SETX: variants seen among roughly 807,000 people sequenced by gnomAD.
SETX encodes senataxin, also known as helicase senataxin.
SETX carries 90 observed loss-of-function variants against 227.2 expected under a neutral mutation model. The ratio of observed to expected loss-of-function variants is 0.40; its 90% confidence interval spans 0.33 to 0.47. The LOEUF is 0.47. Among genes scored for constraint, SETX ranks in the 20% least tolerant of loss-of-function variants. SETX has a pLI of 0.91. For missense variants in SETX, 3,052 were observed against 3,181.5 expected, an observed-to-expected ratio of 0.96 and a Z score of 0.98; for synonymous variants, 1,210 against 1,113.2, an observed-to-expected ratio of 1.09 and a Z score of -1.73.
intron 20 of SETX, among the ~76,000 whole-genome samples, chr9:132,279,924 C>T (rs995213689): frequency 6.6e-6 from 1 of 152,100 alleles, no homozygotes; most frequent in Admixed American, 6.5e-5. Flanking sequence ...ACCAAACCCA[C>T]GTACATATAC....
At chr9:132,296,778 C>T (rs981028256) in intron 14 of SETX, 109 bp downstream of exon 14, 9 of 1,025,780 alleles carry the variant, frequency 8.8e-6, no homozygotes, top group Admixed American at 5.7e-5. Context: ...AAAATATATA[C>T]AAATCAAAGA....
rs1053365914 is a variant in SETX, at chr9:132,264,050, T to C, written c.*189A>G. 1 of 726,348 alleles carries C rather than the reference T, an allele frequency of 1.4e-6. No individual in the cohort carries two copies. Among genetic ancestry groups the C allele is most frequent in the Non-Finnish European group, 2.3e-6 (1 of 442,794 alleles). The allele number at this position is 726,348 out of a possible 1,614,324, so 45.0% of individuals were successfully genotyped here. On this transcript the variant is annotated 3_prime_UTR_variant, in exon 26 of 26. Coordinates refer to ENST00000224140, the MANE Select transcript of SETX (RefSeq NM_015046.7). Reference sequence around the variant, plus strand: ...ATTATTACGGATACACAATGCCCTCTGAAAGCTTTTGCAAATGACAGAAAA... The same window carrying C: ...ATTATTACGGATACACAATGCCCTCCGAAAGCTTTTGCAAATGACAGAAAA...
Position 132,327,146 on chromosome 9 carries a change from C to A in SETX, c.4452G>T (p.Glu1484Asp). 6.2e-7 allele frequency: 1 copy of A among 1,614,130 alleles called. No individual in the cohort carries two copies. Among genetic ancestry groups the A allele is most frequent in the Non-Finnish European group, 8.5e-7 (1 of 1,180,026 alleles). The change falls in exon 10 of 26, where the codon GAG (glutamate) becomes GAT (aspartate). Residue 1484 changes from glutamate (E) to aspartate (D), a missense_variant. By Grantham distance (45) the Glu-to-Asp change is conservative. Transcript: ENST00000224140. ...HIEMAALKEG[E>D]PDSSSDAEED... ...CCTCTGCATCACTGCTGGAGTCAGG[C>A]TCTCCTTCTTTCAAAGCTGCCATCT...
At chr9:132,273,557 T>G (rs570739906) in intron 23 of SETX, among the ~76,000 whole-genome samples, 21 of 152,402 alleles carry the variant, frequency 1.4e-4, no homozygotes, top group African/African-American at 4.8e-4. Context: ...CGAAGTGTTT[T>G]ATTCTTTTTG....
chr9:132,261,952 A>G lies in SETX; in HGVS notation c.*2287T>C, dbSNP rs1842428001. ...GTTCAACAACGCTGCGCTGACAGCCACATCAGGAGGGGCCACGGTGAACAT... is the reference window on the plus strand; with the variant it reads ...GTTCAACAACGCTGCGCTGACAGCCGCATCAGGAGGGGCCACGGTGAACAT... On this transcript the variant is annotated 3_prime_UTR_variant, in exon 26 of 26. Transcript: ENST00000224140. 1 of 154,470 alleles carries G rather than the reference A, an allele frequency of 6.5e-6. No individual in the cohort carries two copies. The highest frequency in any genetic ancestry group is 1.5e-5 in the Non-Finnish European group (1 of 68,232). 9.6% of individuals were successfully genotyped at this position (154,470 alleles called of 1,614,324 possible).
intron 25 of SETX, among the ~76,000 whole-genome samples, chr9:132,269,055 G>A (rs555439664): frequency 2.0e-5 from 3 of 152,342 alleles, no homozygotes; most frequent in Admixed American, 1.3e-4. Context: ...CAGCAAATAC[G>A]TGCTACATCT....
intron 23 of SETX, chr9:132,275,031 C>A: frequency 1.8e-6 from 1 of 545,126 alleles, no homozygotes; most frequent in Non-Finnish European, 3.3e-6. Context: ...TTAGTCAATT[C>A]CACTGCCAAG....
In SETX at chr9:132,327,575, TTTC is replaced by T. The variant is rs769558791; in HGVS notation, c.4020_4022del (p.Lys1341del). ...TCTGAAGTTCTTGACTAGTCAGAAGTTTCTTATTATTTCTGACAGACAGGTTCT... is the reference window on the plus strand; with the variant it reads ...TCTGAAGTTCTTGACTAGTCAGAAGTTTATTATTTCTGACAGACAGGTTCT... On this transcript the variant is annotated inframe_deletion, in exon 10 of 26. Transcript: ENST00000224140. 47 of 1,614,134 alleles carry T rather than the reference TTTC, an allele frequency of 2.9e-5. No individual in the cohort carries two copies. The South Asian group carries it at 3.3e-4, about 11-fold the overall frequency.
intron 5 of SETX, 131 bp downstream of exon 5, chr9:132,342,559 G>T (rs1215064074): frequency 1.3e-6 from 1 of 795,622 alleles, no homozygotes; most frequent in African/African-American, 1.7e-5. Context: ...CTACTTAACT[G>T]TAGTAAATTT....
At chr9:132,318,223 TG>T (rs1846109790) in intron 10 of SETX, among the ~76,000 whole-genome samples, 1 of 152,360 alleles carries the variant, frequency 6.6e-6, no homozygotes, top group East Asian at 1.9e-4. Flanking sequence ...TTGTTCTTTA[TG>T]GTTTCTCCTT....
chr9:132,277,865 G>GTA (rs1334464083), intron 21 of SETX, among the ~76,000 whole-genome samples: 1 of 150,660 alleles, frequency 6.6e-6, no homozygotes, highest in Non-Finnish European at 1.5e-5. Flanking sequence ...TTTCTGGGTA[G>GTA]TATAAATATA....
At chr9:132,299,189 GC>G (rs374959273) in intron 12 of SETX, among the ~76,000 whole-genome samples, 79 of 152,284 alleles carry the variant, frequency 5.2e-4, no homozygotes, top group African/African-American at 1.9e-3. Flanking sequence ...AAGGTTTTTG[GC>G]CTGAGTAACT....
chr9:132,344,575 T>C (rs1024951712), intron 4 of SETX, among the ~76,000 whole-genome samples: 5 of 152,084 alleles, frequency 3.3e-5, no homozygotes, highest in Admixed American at 2.0e-4. Flanking sequence ...TGAACTAGAT[T>C]TTAGTATCGT....
intron 20 of SETX, among the ~76,000 whole-genome samples, chr9:132,280,734 A>C: frequency 6.6e-6 from 1 of 152,306 alleles, no homozygotes; most frequent in South Asian, 2.1e-4. Context: ...ATTAGTAAAA[A>C]ATACACATTT....
chr9:132,346,971 C>T (rs923612029), intron 3 of SETX, among the ~76,000 whole-genome samples: 1 of 151,820 alleles, frequency 6.6e-6, no homozygotes, highest in East Asian at 1.9e-4. Context: ...AAAAAGAAAA[C>T]AGGCCAGGCA....
Position 132,311,848 on chromosome 9 carries a change from T to C in SETX, c.5283A>G (p.Gln1761=), listed in dbSNP as rs139063885. ...CTCTATTTGGAGAGTTGAGCCATTC[T>C]TGTGCCACCTATACAAAGCACAAAA... ...MVLNTFETVA[Q]EWLNSPNREN... The change falls in exon 11 of 26, where the codon CAA becomes CAG. Residue 1761 remains glutamine (Q), a synonymous_variant. Coordinates refer to ENST00000224140, the MANE Select transcript of SETX (RefSeq NM_015046.7). 830 of 1,611,914 alleles carry C rather than the reference T, an allele frequency of 5.1e-4. No homozygotes were observed. The highest frequency in any genetic ancestry group is 1.3e-3 in the Middle Eastern group (8 of 6,076).
At chr9:132,309,089 G>T (rs979925983) in intron 11 of SETX, among the ~76,000 whole-genome samples, 4 of 152,156 alleles carry the variant, frequency 2.6e-5, no homozygotes, top group African/African-American at 9.7e-5. Context: ...AGTGAGCCAG[G>T]ATCGCGCCAC....
chr9:132,264,840 G>T lies in SETX; in HGVS notation c.7433C>A (p.Thr2478Asn), dbSNP rs771027936. 1 of 1,614,132 alleles carries T rather than the reference G, an allele frequency of 6.2e-7. No individual in the cohort carries two copies. Among genetic ancestry groups the T allele is most frequent in the Non-Finnish European group, 8.5e-7 (1 of 1,180,010 alleles). The change falls in exon 26 of 26, where the codon ACC becomes AAC. Residue 2478 changes from threonine (T) to asparagine (N), a missense_variant. By Grantham distance (65) the Thr-to-Asn change is moderately conservative (BLOSUM62 0). Transcript: ENST00000224140. ...VLQRSLTHPP[T>N]IAPEGSRPQG... ...GGGTCTGGACCCCTCTGGGGCTATG[G>T]TAGGAGGGTGAGTGAGACTTCTCTG...
intron 15 of SETX, among the ~76,000 whole-genome samples, chr9:132,291,313 C>A (rs1004253332): frequency 6.6e-6 from 1 of 151,598 alleles, no homozygotes; most frequent in African/African-American, 2.4e-5. Context: ...ACTACAGGCG[C>A]CCCCCACCAC....
Sources: gnomAD v4.1 joint callset for allele counts (sites outside exome capture counted in the v4.1 genomes callset) on GRCh38, gnomAD v4.1.1 for gene constraint, MANE v1.5 for transcripts, NCBI Gene and HGNC (gene_info 2026-07-23, HGNC 2026-07-21) for gene names.